RELN: variants seen among roughly 807,000 people sequenced by gnomAD.
RELN encodes reelin.
Under a neutral mutation model 427.6 loss-of-function variants are expected in RELN, and 108 were observed. The observed-to-expected ratio is 0.25, with a 90% CI of 0.22 to 0.30. The LOEUF is 0.30. Among genes scored for constraint, RELN ranks in the 10% least tolerant of loss-of-function variants. The pLI is 1.00. For missense variants in RELN, 3,715 were observed against 4,302.8 expected, an observed-to-expected ratio of 0.86 and a Z score of 3.82; for synonymous variants, 1,524 against 1,513.4, an observed-to-expected ratio of 1.01 and a Z score of -0.16.
At chr7:103,672,123 C>A (rs1438902668) in intron 11 of RELN, among the ~76,000 whole-genome samples, 1 of 152,058 alleles carries the variant, frequency 6.6e-6, no homozygotes, top group African/African-American at 2.4e-5. Context: ...GAAATTTCAG[C>A]CTATTTTTAA....
At chr7:103,757,736 G>A (rs1298221179) in intron 4 of RELN, among the ~76,000 whole-genome samples, 5 of 152,166 alleles carry the variant, frequency 3.3e-5, no homozygotes, top group Admixed American at 3.3e-4. Flanking sequence ...AGAGGGAGAT[G>A]CACTAGGGAT....
intron 4 of RELN, among the ~76,000 whole-genome samples, chr7:103,754,770 T>C (rs1791092079): frequency 6.6e-6 from 1 of 152,098 alleles, no homozygotes; most frequent in South Asian, 2.1e-4. Flanking sequence ...AGTCAGACCC[T>C]GTCTCTAAAT....
rs542916312 is a variant in RELN at position 103,769,710 on chromosome 7, G to C, written c.544+6847C>G. Among the ~76,000 whole-genome samples the C allele has an allele frequency of 5.9e-5, 9 of 152,252 alleles. 1 individual carries two copies. Among genetic ancestry groups the C allele is most frequent in the Admixed American group, 2.6e-4 (4 of 15,302 alleles). The stretch of plus-strand genomic sequence containing the variant: ...GGCCTGGCAATCCCTTCTGGGCCTT[G>C]GTGTCCTCCTATTGAACATAAACAA... On this transcript the variant is annotated intron_variant, in intron 4 of 64. Coordinates refer to ENST00000428762, the MANE Select transcript of RELN (RefSeq NM_005045.4).
At chr7:103,494,365 T>TTGTGTGTGTGTGTG (rs58533286) in intron 57 of RELN, among the ~76,000 whole-genome samples, 109 of 118,306 alleles carry the variant, frequency 9.2e-4, no homozygotes, top group Middle Eastern at 3.8e-3. Context: ...GTAATGACTT[T>TTGTGTGTGTGTGTG]TGTGTGTGTG....
intron 3 of RELN, among the ~76,000 whole-genome samples, chr7:103,803,542 T>A (rs1792520637): frequency 6.6e-6 from 1 of 152,128 alleles, no homozygotes. Context: ...GTCCAATGGT[T>A]GATTAAATAA....
intron 1 of RELN, among the ~76,000 whole-genome samples, chr7:103,921,952 C>T (rs2116685050): frequency 6.6e-6 from 1 of 152,230 alleles, no homozygotes; most frequent in Admixed American, 6.5e-5. Flanking sequence ...GGAAATTCAC[C>T]TCTCCCTCCT....
chr7:103,789,913 G>T (rs1792116788), intron 3 of RELN, among the ~76,000 whole-genome samples: 1 of 125,376 alleles, frequency 8.0e-6, no homozygotes, highest in Non-Finnish European at 1.7e-5. Context: ...ATTCACAATA[G>T]CAAAGACTTG....
At chr7:103,915,265 C>T (rs1000821694) in intron 2 of RELN, among the ~76,000 whole-genome samples, 2 of 152,130 alleles carry the variant, frequency 1.3e-5, no homozygotes, top group African/African-American at 4.8e-5. Flanking sequence ...CTCAGGAACA[C>T]CTTTCCAAAT....
At chr7:103,869,534 T>C (rs1013422799) in intron 2 of RELN, among the ~76,000 whole-genome samples, 2 of 152,102 alleles carry the variant, frequency 1.3e-5, no homozygotes. Context: ...ATGATGCATA[T>C]AGTGTTCTGG....
At chr7:103,652,821 T>G in intron 13 of RELN, 62 bp from the exon 14 acceptor site, 1 of 1,499,200 alleles carries the variant, frequency 6.7e-7, no homozygotes, top group Non-Finnish European at 9.3e-7. Context: ...ATGTAAATTC[T>G]CCTAGATTTG....
At chr7:103,875,236 A>G (rs1328220279) in intron 2 of RELN, among the ~76,000 whole-genome samples, 1 of 149,804 alleles carries the variant, frequency 6.7e-6, no homozygotes, top group East Asian at 2.0e-4. Flanking sequence ...TAAACGTTAG[A>G]CCTAAAACCA....
intron 12 of RELN, among the ~76,000 whole-genome samples, chr7:103,657,066 CAT>C (rs941750488): frequency 2.0e-5 from 3 of 152,072 alleles, no homozygotes; most frequent in African/African-American, 4.8e-5. Flanking sequence ...GCATGCTACA[CAT>C]GTTAGGCACA....
At position 103,988,991 on chromosome 7, in the gene RELN, C is replaced by A; in HGVS notation, c.226+140G>T. 1 of 746,198 alleles carries A rather than the reference C, an allele frequency of 1.3e-6. No homozygotes were observed. The allele number at this position is 746,198 out of a possible 1,614,324, so 46.2% of individuals were successfully genotyped here. A position where few individuals can be genotyped will look rare whatever the true frequency, so the allele number is the denominator to read the frequency against. ...ATTCTCCACTAACTTTATTCTCGCT[C>A]CCTGGACCAAGCGCATCGCTGGGGC... On this transcript the variant is annotated intron_variant, in intron 1 of 64. Transcript: ENST00000428762. This position sits in a 1 kb window ranked among gnomAD's most constrained non-coding sequence, Gnocchi z 4.9.
chr7:103,908,082 C>T (rs1436609730), intron 2 of RELN, among the ~76,000 whole-genome samples: 1 of 152,108 alleles, frequency 6.6e-6, no homozygotes, highest in African/African-American at 2.4e-5. Flanking sequence ...CTCACACTTA[C>T]ACTATCTCCT....
At chr7:103,906,045 G>T (rs879869845) in intron 2 of RELN, among the ~76,000 whole-genome samples, 1 of 152,070 alleles carries the variant, frequency 6.6e-6, no homozygotes, top group Non-Finnish European at 1.5e-5. Context: ...GCTGTGTGTG[G>T]GTTATTTTAA....
At chr7:103,652,049 T>C (rs1832927915) in intron 14 of RELN, among the ~76,000 whole-genome samples, 1 of 152,046 alleles carries the variant, frequency 6.6e-6, no homozygotes, top group Admixed American at 6.6e-5. Flanking sequence ...GTTCTTGAGT[T>C]TGATAGGTGG....
At chr7:103,862,409 T>TTCTATCTA (rs66998908) in intron 2 of RELN, among the ~76,000 whole-genome samples, 3,842 of 144,724 alleles carry the variant, frequency 0.027, 77 homozygotes, top group African/African-American at 0.04. Flanking sequence ...TATGCTTTTG[T>TTCTATCTA]TCTATCTATC....
At chr7:103,549,730 T>C (rs1830372516) in intron 41 of RELN, among the ~76,000 whole-genome samples, 1 of 152,236 alleles carries the variant, frequency 6.6e-6, no homozygotes, top group Non-Finnish European at 1.5e-5. Flanking sequence ...CCCCACACTT[T>C]CTGAGTGAAG....
chr7:103,730,637 C>G (rs1414858703), intron 6 of RELN, among the ~76,000 whole-genome samples: 1 of 152,144 alleles, frequency 6.6e-6, no homozygotes, highest in Admixed American at 6.6e-5. Context: ...GGTAACCCTG[C>G]TGAAGAAACT....
Sources: gnomAD v4.1 joint callset for allele counts (sites outside exome capture counted in the v4.1 genomes callset) on GRCh38, gnomAD v4.1.1 for gene constraint, Gnocchi (gnomAD v3.1) non-coding constraint, MANE v1.5 for transcripts, NCBI Gene and HGNC (gene_info 2026-07-23, HGNC 2026-07-21) for gene names.